AFF3: variants seen among roughly 807,000 people sequenced by gnomAD.
The protein encoded by AFF3 is ALF transcription elongation factor 3, also known as AF4/FMR2 family member 3.
AFF3 carries 32 observed loss-of-function variants against 129.7 expected under a neutral mutation model. That is an observed-to-expected ratio of 0.25 (90% CI 0.19 to 0.33). AFF3 has a LOEUF of 0.33. Among genes scored for constraint, AFF3 ranks in the 10% least tolerant of loss-of-function variants. The pLI, the probability that AFF3 is intolerant of heterozygous loss-of-function variation, is 1.00. For missense variants in AFF3, 1,373 were observed against 1,592.0 expected (o/e 0.86, Z 2.34); for synonymous variants, 644 against 635.4 (o/e 1.01, Z -0.20).
intron 7 of AFF3, among the ~76,000 whole-genome samples, chr2:99,987,108 G>A (rs1679942332): frequency 6.6e-6 from 1 of 152,148 alleles, no homozygotes; most frequent in Admixed American, 6.5e-5. Context: ...GGGGTCAAAG[G>A]CATAAAGAGA....
intron 4 of AFF3, among the ~76,000 whole-genome samples, chr2:100,012,995 T>C (rs779784503): frequency 5.3e-5 from 8 of 152,246 alleles, no homozygotes; most frequent in Non-Finnish European, 7.3e-5. Flanking sequence ...AGCCAACTGC[T>C]TCAATATTAT....
At chr2:100,064,014 G>A (rs1447755440) in intron 4 of AFF3, among the ~76,000 whole-genome samples, 2 of 151,884 alleles carry the variant, frequency 1.3e-5, no homozygotes, top group Non-Finnish European at 2.9e-5. Context: ...ACTTGAACCC[G>A]GGAGGCGGAG....
intron 4 of AFF3, among the ~76,000 whole-genome samples, chr2:100,066,380 G>A (rs2105269662): frequency 6.6e-6 from 1 of 152,304 alleles, no homozygotes; most frequent in South Asian, 2.1e-4. Flanking sequence ...GAACGAGCCA[G>A]TGACGAATGA....
intron 7 of AFF3, among the ~76,000 whole-genome samples, chr2:99,907,439 T>G (rs548236171): frequency 1.3e-5 from 2 of 152,282 alleles, no homozygotes; most frequent in African/African-American, 4.8e-5. Context: ...AAGCCTATTC[T>G]TCTCTTCAGG....
At chr2:99,552,079 C>A (rs1330882677) in intron 24 of AFF3, among the ~76,000 whole-genome samples, 1 of 152,162 alleles carries the variant, frequency 6.6e-6, no homozygotes, top group East Asian at 1.9e-4. Flanking sequence ...CCTAGGTTTG[C>A]CCTTTCACCA....
chr2:99,684,593 C>T (rs1476176040), intron 11 of AFF3, among the ~76,000 whole-genome samples: 1 of 151,750 alleles, frequency 6.6e-6, no homozygotes, highest in Non-Finnish European at 1.5e-5. Context: ...GATCCTCACA[C>T]TAAGGCATTT....
chr2:99,723,500 T>C (rs1186534538), intron 11 of AFF3, among the ~76,000 whole-genome samples: 1 of 152,168 alleles, frequency 6.6e-6, no homozygotes, highest in Non-Finnish European at 1.5e-5. Context: ...ACACCATGAA[T>C]ATGAGAGAGG....
intron 7 of AFF3, among the ~76,000 whole-genome samples, chr2:99,928,166 T>C (rs1696412038): frequency 6.6e-6 from 1 of 152,184 alleles, no homozygotes; most frequent in African/African-American, 2.4e-5. Context: ...GTATGTCTTT[T>C]ATCAGCAGCG....
intron 7 of AFF3, among the ~76,000 whole-genome samples, chr2:99,923,855 CT>C (rs1696036673): frequency 6.6e-6 from 1 of 151,910 alleles, no homozygotes; most frequent in Non-Finnish European, 1.5e-5. Flanking sequence ...GTATAATTCA[CT>C]TTTAATTTTA....
chr2:99,712,647 C>T (rs1678003040), intron 11 of AFF3, among the ~76,000 whole-genome samples: 1 of 152,192 alleles, frequency 6.6e-6, no homozygotes, highest in Admixed American at 6.5e-5. Context: ...CTTTGCGACA[C>T]TTTTGCTTCA....
Position 99,549,893 on chromosome 2 carries a change from T to C in AFF3, c.*1581A>G, listed in dbSNP as rs1304899659. 4.4e-6 allele frequency: 1 copy of C among 225,856 alleles called. No homozygotes were observed. Among genetic ancestry groups the C allele is most frequent in the Non-Finnish European group, 8.8e-6 (1 of 113,574 alleles). 14.0% of individuals were successfully genotyped at this position (225,856 alleles called of 1,614,324 possible). On this transcript the variant is annotated 3_prime_UTR_variant, in exon 25 of 25. Transcript: ENST00000672756. ...TATGGATCAGCATCTAGTCTAAGTA[T>C]TTTGTGCCGTCATCACCTTGAAAAA...
chr2:100,096,254 C>T (rs1485739032), intron 4 of AFF3, among the ~76,000 whole-genome samples: 1 of 151,896 alleles, frequency 6.6e-6, no homozygotes, highest in Non-Finnish European at 1.5e-5. Context: ...AACAGAAGGT[C>T]CCGGGCTTTG....
At chr2:99,667,481 A>C (rs1265233036) in intron 12 of AFF3, among the ~76,000 whole-genome samples, 1 of 152,220 alleles carries the variant, frequency 6.6e-6, no homozygotes, top group East Asian at 1.9e-4. Flanking sequence ...ATGTACCCAA[A>C]GCAAGCAAGA....
chr2:99,973,921 G>C (rs1678631472), intron 7 of AFF3, among the ~76,000 whole-genome samples: 1 of 152,150 alleles, frequency 6.6e-6, no homozygotes, highest in Non-Finnish European at 1.5e-5. Flanking sequence ...CCTTGAGCCA[G>C]AAGTCAGAGC....
chr2:99,727,092 C>T lies in AFF3; in HGVS notation c.1076G>A (p.Gly359Asp), dbSNP rs1318322429. The T allele has an allele frequency of 1.9e-6, 3 of 1,607,606 alleles. No individual in the cohort carries two copies. Among genetic ancestry groups the T allele is most frequent in the African/African-American group, 1.3e-5 (1 of 74,618 alleles). The change falls in exon 11 of 25, where the codon GGC (glycine) becomes GAC (aspartate). Residue 359 changes from glycine (G) to aspartate (D), a missense_variant. Physicochemically the swap from Gly to Asp is moderately conservative, Grantham distance 94. This residue lies in a region of AFF3 where 413 missense variants were observed against 424.4 expected (regional missense o/e 0.97). Coordinates refer to ENST00000672756, the MANE Select transcript of AFF3 (RefSeq NM_001386135.1). Reference sequence around the variant, plus strand: ...AGAAACTTACGATGTATTCGATGTGCCATTGTCTGGACTCTCTGGCTCTGC... The same window carrying T: ...AGAAACTTACGATGTATTCGATGTGTCATTGTCTGGACTCTCTGGCTCTGC... Reference protein sequence around the residue: ...GDAEPESPDNGTSNTSMLEDD... With the variant: ...GDAEPESPDNDTSNTSMLEDD...
intron 4 of AFF3, among the ~76,000 whole-genome samples, chr2:100,057,502 T>C (rs1686900073): frequency 6.6e-6 from 1 of 152,136 alleles, no homozygotes; most frequent in Non-Finnish European, 1.5e-5. Flanking sequence ...CATTTACACA[T>C]ATCACATGAT....
chr2:99,553,023 G>C (rs550897380), intron 24 of AFF3, among the ~76,000 whole-genome samples: 2 of 152,076 alleles, frequency 1.3e-5, no homozygotes, highest in African/African-American at 2.4e-5. Flanking sequence ...ACCACTGCCC[G>C]CCTTCCAGGT....
intron 4 of AFF3, among the ~76,000 whole-genome samples, chr2:100,100,449 C>G (rs1326372114): frequency 6.6e-6 from 1 of 151,538 alleles, no homozygotes; most frequent in East Asian, 1.9e-4. Flanking sequence ...TCTCAATACC[C>G]CCACCCACAC....
intron 9 of AFF3, 147 bp downstream of exon 9, chr2:99,752,074 T>C: frequency 1.5e-6 from 1 of 654,252 alleles, no homozygotes; most frequent in Non-Finnish European, 2.6e-6. Context: ...TGAATAAGTA[T>C]GCGCTTGCAA....
Sources: allele counts gnomAD v4.1 joint callset (sites outside exome capture counted in the v4.1 genomes callset), GRCh38; gene constraint gnomAD v4.1.1; regional missense constraint gnomAD v4.1.1; transcripts MANE v1.5; gene names NCBI Gene and HGNC (gene_info 2026-07-23, HGNC 2026-07-21).